The following COL6A3 variants were observed in gnomAD, a reference collection of about 807,000 sequenced individuals.
COL6A3 encodes collagen type VI alpha 3 chain.
COL6A3 carries 137 observed loss-of-function variants against 274.1 expected under a neutral mutation model. The ratio of observed to expected loss-of-function variants is 0.50; its 90% CI spans 0.44 to 0.58. The LOEUF (loss-of-function observed/expected upper bound fraction) is 0.58. Ranked by LOEUF, COL6A3 falls within the 20% of genes least tolerant of loss-of-function variation. The pLI is 0.00. For synonymous variants in COL6A3, 1,650 were observed against 1,650.6 expected, an observed-to-expected ratio of 1.00 and a Z score of 0.01; for missense variants, 3,950 against 4,124.9, an observed-to-expected ratio of 0.96 and a Z score of 1.16.
chr2:237,333,186 C>T (rs1700352584), intron 42 of COL6A3: 3 of 541,126 alleles, frequency 5.5e-6, no homozygotes, highest in Admixed American at 6.0e-5. Context: ...GGAGAAATGT[C>T]TAATGGATAC....
intron 1 of COL6A3, among the ~76,000 whole-genome samples, chr2:237,410,027 G>A (rs1315467930): frequency 1.3e-5 from 2 of 152,114 alleles, no homozygotes; most frequent in African/African-American, 4.8e-5. Context: ...AAGCTCTAAC[G>A]TATGTACACT....
At chr2:237,411,920 C>T (rs1479758783) in intron 1 of COL6A3, among the ~76,000 whole-genome samples, 1 of 152,106 alleles carries the variant, frequency 6.6e-6, no homozygotes, top group Admixed American at 6.5e-5. Flanking sequence ...CAGCCACCTC[C>T]CAGAAAGGTG....
chr2:237,359,999 A>C, intron 17 of COL6A3, 89 bp downstream of exon 17: 1 of 1,357,684 alleles, frequency 7.4e-7, no homozygotes, highest in Non-Finnish European at 1.0e-6. Context: ...AGAAGCCTGG[A>C]CCAGCGCCTC....
rs113347765 is a variant in COL6A3, at chr2:237,395,099, A to G, written c.197T>C (p.Val66Ala). ...QLVREFLYDVVKSLAVGENDF... is the reference protein window; with the variant it reads ...QLVREFLYDVAKSLAVGENDF... ...ATTTTCTCCCACAGCTAAGGATTTT[A>G]CAACATCATATAGAAACTCTCGAAC... The change falls in exon 3 of 44, where the codon GTA becomes GCA. Residue 66 changes from valine to alanine, a missense_variant. Transcript: ENST00000295550. The G allele has an allele frequency of 6.2e-7, 1 of 1,614,134 alleles. No individual in the cohort carries two copies. The highest frequency in any genetic ancestry group is 2.2e-5 in the East Asian group (1 of 44,894).
At chr2:237,349,472 T>C (rs2077161526) in intron 28 of COL6A3, among the ~76,000 whole-genome samples, 1 of 152,258 alleles carries the variant, frequency 6.6e-6, no homozygotes, top group Admixed American at 6.5e-5. Flanking sequence ...CTTCAGTTAG[T>C]TGAAAAGACA....
chr2:237,398,308 G>A (rs2078503197), intron 1 of COL6A3, among the ~76,000 whole-genome samples: 2 of 152,190 alleles, frequency 1.3e-5, no homozygotes, highest in Admixed American at 6.5e-5. Context: ...GCCTCTGGGG[G>A]CCGCACACAT....
At chr2:237,326,244 A>AGTGTGTGTGT (rs58879455) in intron 42 of COL6A3, 1,766 of 151,682 alleles carry the variant, frequency 0.012, 18 homozygotes, top group East Asian at 0.034. Flanking sequence ...ATCCTTTATG[A>AGTGTGTGTGT]GTGTGTGTGT....
Position 237,353,399 on chromosome 2 carries a change from T to C in COL6A3, c.6632A>G (p.Asn2211Ser), listed in dbSNP as rs1289263918. 1 of 1,614,088 alleles carries C rather than the reference T, an allele frequency of 6.2e-7. No individual in the cohort carries two copies. The highest frequency in any genetic ancestry group is 1.1e-5 in the South Asian group (1 of 91,070). Residue 2211 changes from asparagine to serine, a missense_variant, in exon 25 of 44, where the codon AAC (asparagine) becomes AGC (serine). By Grantham distance (46) the Asn-to-Ser change is conservative. This residue lies in a region of COL6A3 where 1,284 missense variants were observed against 1,349.7 expected (regional missense o/e 0.95). Coordinates refer to ENST00000295550, the MANE Select transcript of COL6A3 (RefSeq NM_004369.4). Reference protein sequence around the residue: ...GRRGPPGAKGNKGGPGQPGFE... With the variant: ...GRRGPPGAKGSKGGPGQPGFE... Reference sequence around the variant, plus strand: ...GCCCGGCTGGCCAGGACCGCCCTTGTTGCCCTTTGAAATAAGAGAAGATGC... The same window carrying C: ...GCCCGGCTGGCCAGGACCGCCCTTGCTGCCCTTTGAAATAAGAGAAGATGC...
At position 237,372,307 on chromosome 2, in the gene COL6A3, A is replaced by C; in HGVS notation, c.3710T>G (p.Leu1237Arg). The change falls in exon 9 of 44, where the codon CTC (leucine) becomes CGC (arginine). Residue 1237 changes from leucine to arginine, a missense_variant. Coordinates refer to ENST00000295550, the MANE Select transcript of COL6A3 (RefSeq NM_004369.4). Reference protein sequence around the residue: ...GVGGKRDVVFLIDGSQSAGPE... With the variant: ...GVGGKRDVVFRIDGSQSAGPE... The stretch of plus-strand genomic sequence containing the variant: ...CCCGGCACTTTGGGACCCATCGATG[A>C]GAAAGACCACGTCCCTCTTGCCACC... The C allele has an allele frequency of 6.2e-7, 1 of 1,610,170 alleles. No homozygotes were observed. Among genetic ancestry groups the C allele is most frequent in the Non-Finnish European group, 8.5e-7 (1 of 1,180,004 alleles).
intron 42 of COL6A3, chr2:237,329,429 T>A (rs1485072848): frequency 6.6e-6 from 1 of 152,230 alleles, no homozygotes; most frequent in African/African-American, 2.4e-5. Context: ...AGACTTCTAT[T>A]TTTTAAGACT....
chr2:237,366,583 C>T, intron 11 of COL6A3, 104 bp downstream of exon 11: 4 of 1,574,674 alleles, frequency 2.5e-6, no homozygotes, highest in Non-Finnish European at 8.7e-7. Flanking sequence ...TATGAAGCAA[C>T]CAAATGCCTA....
In COL6A3 at chr2:237,364,337, C is replaced by T; in HGVS notation, c.5917+13G>A. Reference sequence around the variant, plus strand: ...GGGTTTACTTCTCATATTTAGAAAGCCTTGGCACCTACCTTCTTGGCGGAG... The same window carrying T: ...GGGTTTACTTCTCATATTTAGAAAGTCTTGGCACCTACCTTCTTGGCGGAG... On this transcript the variant is annotated intron_variant, in intron 13 of 43. Coordinates refer to ENST00000295550, the MANE Select transcript of COL6A3 (RefSeq NM_004369.4). The surrounding 1 kb of genome is among the most constrained non-coding windows in gnomAD (Gnocchi z 4.6). The T allele has an allele frequency of 1.9e-6, 3 of 1,609,878 alleles. No homozygotes were observed. Among genetic ancestry groups the T allele is most frequent in the Non-Finnish European group, 2.6e-6 (3 of 1,176,452 alleles).
intron 42 of COL6A3, chr2:237,327,994 T>C (rs1001853658): frequency 6.6e-6 from 1 of 152,218 alleles, no homozygotes; most frequent in Non-Finnish European, 1.5e-5. Context: ...AGGTATAACC[T>C]GTAGGAAGCT....
At chr2:237,393,796 C>T (rs536503002) in intron 3 of COL6A3, among the ~76,000 whole-genome samples, 19 of 152,366 alleles carry the variant, frequency 1.2e-4, no homozygotes, top group East Asian at 3.9e-4. Flanking sequence ...AGCTAACAGG[C>T]TTAACTGGTT....
intron 1 of COL6A3, among the ~76,000 whole-genome samples, chr2:237,400,760 T>A (rs986645933): frequency 6.6e-6 from 1 of 151,182 alleles, no homozygotes; most frequent in African/African-American, 2.5e-5. Flanking sequence ...CCCAAACTCA[T>A]TTTTATAAGG....
chr2:237,385,251 A>G (rs1397699634), intron 4 of COL6A3, among the ~76,000 whole-genome samples: 1 of 152,166 alleles, frequency 6.6e-6, no homozygotes. Flanking sequence ...AAACAGCACC[A>G]TATCTCTAGT....
intron 38 of COL6A3, among the ~76,000 whole-genome samples, chr2:237,339,841 T>G (rs565805909): frequency 6.6e-6 from 1 of 152,166 alleles, no homozygotes; most frequent in East Asian, 1.9e-4. Context: ...AGGTAATAGA[T>G]GCCCTAAATA....
In COL6A3 at chr2:237,324,830, G is replaced by C. The variant is rs112123472; in HGVS notation, c.9494-16C>G. 14 of 1,612,684 alleles carry C rather than the reference G, an allele frequency of 8.7e-6. No homozygotes were observed. In the African/African-American group the frequency reaches 9.3e-5, roughly 11 times the overall value. On this transcript the variant is annotated splice_polypyrimidine_tract_variant and intron_variant, in intron 43 of 43. Coordinates refer to ENST00000295550, the MANE Select transcript of COL6A3 (RefSeq NM_004369.4). Reference sequence around the variant, plus strand: ...TTGGCGAGCACTGAGCGTCGAGAGAGGGGGTGGGTGGGGTGAGGTGAGGAG... The same window carrying C: ...TTGGCGAGCACTGAGCGTCGAGAGACGGGGTGGGTGGGGTGAGGTGAGGAG...
chr2:237,358,127 G>A (rs575618069), intron 21 of COL6A3, among the ~76,000 whole-genome samples: 19 of 152,290 alleles, frequency 1.2e-4, no homozygotes, highest in African/African-American at 4.6e-4. Context: ...GATGCCCCAG[G>A]CTCACTCCTG....
Sources: allele counts gnomAD v4.1 joint callset (sites outside exome capture counted in the v4.1 genomes callset), GRCh38; gene constraint gnomAD v4.1.1; regional missense constraint gnomAD v4.1.1; non-coding constraint Gnocchi (gnomAD v3.1); transcripts MANE v1.5; gene names NCBI Gene and HGNC (gene_info 2026-07-23, HGNC 2026-07-21).